The following FGF14 variants were observed in gnomAD, a reference collection of about 807,000 sequenced individuals.
FGF14 encodes the protein fibroblast growth factor 14.
FGF14 carries 5 observed loss-of-function variants against 25.5 expected under a neutral mutation model. The observed-to-expected ratio is 0.20, with a 90% CI of 0.10 to 0.41. The LOEUF (loss-of-function observed/expected upper bound fraction) is 0.41, where lower values mean the gene tolerates loss of function less well. FGF14 is among the 10% of genes least tolerant of loss of function. FGF14 has a pLI of 1.00. For missense variants in FGF14, 222 were observed against 320.1 expected, an observed-to-expected ratio of 0.69 and a Z score of 2.34; for synonymous variants, 138 against 118.3, an observed-to-expected ratio of 1.17 and a Z score of -1.08.
rs147245334 is a variant in FGF14, at chr13:101,972,756, G to A, written c.209-97460C>T. On this transcript the variant is annotated intron_variant, in intron 1 of 4. Coordinates refer to the FGF14 transcript ENST00000376131. ...ACTCCCCAGCTCAAGCTATCCTCCC[G>A]CCTCTGCCTCCCTGAGAGCTGGGAT... Among the ~76,000 whole-genome samples the A allele has an allele frequency of 5.2e-3, 797 of 152,068 alleles. 11 individuals carry two copies. Among genetic ancestry groups the A allele is most frequent in the African/African-American group, 0.018 (761 of 41,464 alleles).
chr13:101,869,504 A>T (rs2044927311), intron 2 of FGF14, among the ~76,000 whole-genome samples: 1 of 152,232 alleles, frequency 6.6e-6, no homozygotes, highest in Non-Finnish European at 1.5e-5. Flanking sequence ...TATAACATTA[A>T]AAAAACTTAA....
chr13:102,058,129 G>A (rs960303002), intron 1 of FGF14, among the ~76,000 whole-genome samples: 1 of 152,196 alleles, frequency 6.6e-6, no homozygotes, highest in Non-Finnish European at 1.5e-5. Flanking sequence ...CATTGCTACA[G>A]AGAAGCTAAG....
chr13:102,087,843 T>A (rs2043995744), intron 1 of FGF14, among the ~76,000 whole-genome samples: 2 of 145,732 alleles, frequency 1.4e-5, no homozygotes, highest in Non-Finnish European at 3.1e-5. Context: ...ATAATACACT[T>A]TTTACATTTC....
At chr13:102,158,888 C>T (rs2047487814) in intron 1 of FGF14, among the ~76,000 whole-genome samples, 1 of 152,084 alleles carries the variant, frequency 6.6e-6, no homozygotes, top group African/African-American at 2.4e-5. Context: ...CCTGTAATCT[C>T]AGCACTTTGG....
At chr13:101,999,539 G>C (rs990515067) in intron 1 of FGF14, among the ~76,000 whole-genome samples, 5 of 152,156 alleles carry the variant, frequency 3.3e-5, no homozygotes, top group African/African-American at 1.2e-4. Context: ...CCATGAGTGG[G>C]TGGCTGCTTC....
At chr13:102,289,663 T>C (rs2054278271) in intron 1 of FGF14, among the ~76,000 whole-genome samples, 1 of 152,184 alleles carries the variant, frequency 6.6e-6, no homozygotes, top group African/African-American at 2.4e-5. Context: ...AGCTTGCAGA[T>C]CGTAGTTTGC....
intron 1 of FGF14, among the ~76,000 whole-genome samples, chr13:102,169,289 G>A (rs548490217): frequency 2.6e-5 from 4 of 151,924 alleles, no homozygotes; most frequent in East Asian, 1.9e-4. Flanking sequence ...CGATTTCCAC[G>A]CGGTTTCCAA....
intron 1 of FGF14, among the ~76,000 whole-genome samples, chr13:102,037,949 A>G (rs2041554835): frequency 6.6e-6 from 1 of 152,164 alleles, no homozygotes; most frequent in South Asian, 2.1e-4. Flanking sequence ...AGTGTGAACA[A>G]GCAAGAAAGG....
intron 1 of FGF14, among the ~76,000 whole-genome samples, chr13:102,298,057 CAG>C (rs1939531631): frequency 6.6e-6 from 1 of 152,016 alleles, no homozygotes; most frequent in Admixed American, 6.5e-5. Context: ...TTGCAAAAGA[CAG>C]AGTTATTTCT....
At chr13:102,021,809 C>G (rs1433565886) in intron 1 of FGF14, among the ~76,000 whole-genome samples, 1 of 151,978 alleles carries the variant, frequency 6.6e-6, no homozygotes, top group Non-Finnish European at 1.5e-5. Context: ...AGGAGGCAGC[C>G]TATTCTTTTT....
intron 1 of FGF14, among the ~76,000 whole-genome samples, chr13:102,360,451 G>C (rs914097020): frequency 1.3e-5 from 2 of 152,100 alleles, no homozygotes; most frequent in East Asian, 3.8e-4. Context: ...GGATGAGGTA[G>C]AGCAGGTTAA....
intron 1 of FGF14, among the ~76,000 whole-genome samples, chr13:102,183,583 CCT>C (rs1242902489): frequency 5.3e-5 from 8 of 152,108 alleles, no homozygotes; most frequent in African/African-American, 1.9e-4. Flanking sequence ...CAGACTTGCC[CCT>C]GTTCCTCAAT....
chr13:102,218,438 A>C (rs1215375355), intron 1 of FGF14, among the ~76,000 whole-genome samples: 1 of 151,946 alleles, frequency 6.6e-6, no homozygotes, highest in Non-Finnish European at 1.5e-5. Context: ...TTTTGTTTGG[A>C]AACTGTAACA....
At chr13:102,012,020 T>C (rs2040107003) in intron 1 of FGF14, among the ~76,000 whole-genome samples, 1 of 152,206 alleles carries the variant, frequency 6.6e-6, no homozygotes, top group East Asian at 1.9e-4. Flanking sequence ...TTGAGATTTT[T>C]CTAGGTTTAG....
intron 1 of FGF14, among the ~76,000 whole-genome samples, chr13:101,963,205 A>C (rs2036974916): frequency 6.6e-6 from 1 of 152,194 alleles, no homozygotes; most frequent in South Asian, 2.1e-4. Context: ...GCTCCAACCA[A>C]CCTACATCTG....
chr13:102,300,630 C>A (rs1277499428), intron 1 of FGF14, among the ~76,000 whole-genome samples: 3 of 152,022 alleles, frequency 2.0e-5, no homozygotes, highest in Non-Finnish European at 4.4e-5. Flanking sequence ...ATTTACAACC[C>A]CATCAGATTT....
rs547853155 is a variant in FGF14, at chr13:101,843,596, T to C, written c.408+25129A>G. On this transcript the variant is annotated intron_variant, in intron 3 of 4. Transcript: ENST00000376143. ...TAACTTGAGTAGTTAACTCTAGTTA[T>C]AGGAAAAAGATGGCAACATAAACAA... Among the ~76,000 whole-genome samples, 9 of 152,066 alleles carry C rather than the reference T, an allele frequency of 5.9e-5. No individual in the cohort carries two copies. The East Asian group carries it at 1.4e-3, about 23-fold the overall frequency.
intron 1 of FGF14, among the ~76,000 whole-genome samples, chr13:101,947,500 C>A (rs756267117): frequency 6.6e-5 from 10 of 152,156 alleles, no homozygotes; most frequent in Non-Finnish European, 1.0e-4. Flanking sequence ...GAATACTATA[C>A]AGCCATAAAA....
In FGF14 at chr13:102,243,659, T is replaced by TTG. The variant is rs1555385842; in HGVS notation, c.208+157811_208+157812insCA. 1.3e-5 allele frequency among the ~76,000 whole-genome samples: 2 copies of TTG among 150,806 alleles called. 1 individual carries two copies. Among genetic ancestry groups the TTG allele is most frequent in the South Asian group, 4.2e-4 (2 of 4,784 alleles). The stretch of plus-strand genomic sequence containing the variant: ...GAGCTGTGTGACTTTGGGCATGTTT[T>TTG]TTTTTTTTTTTTACATTTCTCTGGC... On this transcript the variant is annotated intron_variant, in intron 1 of 4. Coordinates refer to the FGF14 transcript ENST00000376131.
Sources: gnomAD v4.1 joint callset for allele counts (sites outside exome capture counted in the v4.1 genomes callset) on GRCh38, gnomAD v4.1.1 for gene constraint, MANE v1.5 for transcripts, NCBI Gene and HGNC (gene_info 2026-07-23, HGNC 2026-07-21) for gene names.